The following TASP1 variants were observed in gnomAD, a reference collection of about 807,000 sequenced individuals.
TASP1 encodes threonine aspartase 1.
TASP1 carries 16 observed loss-of-function variants against 56.6 expected under a neutral mutation model. The observed-to-expected ratio is 0.28, with a 90% CI of 0.19 to 0.43. TASP1 has a LOEUF of 0.43. Among genes scored for constraint, TASP1 ranks in the 20% least tolerant of loss-of-function variants. The pLI is 1.00. For missense variants in TASP1, 393 were observed against 511.6 expected (o/e 0.77, Z 2.24); for synonymous variants, 179 against 184.2 (o/e 0.97, Z 0.23).
intron 2 of TASP1, among the ~76,000 whole-genome samples, chr20:13,629,460 T>A (rs145762047): frequency 1.3e-5 from 2 of 151,878 alleles, no homozygotes. Context: ...TCAATACAAT[T>A]TTTTCAGCAA....
chr20:13,576,822 C>T (rs1396126992), intron 6 of TASP1, among the ~76,000 whole-genome samples: 2 of 152,162 alleles, frequency 1.3e-5, no homozygotes, highest in Non-Finnish European at 2.9e-5. Context: ...ACAAGTGTAG[C>T]ATTATTATAT....
chr20:13,387,362 T>C (rs2041171735), downstream of TASP1, among the ~76,000 whole-genome samples: 1 of 151,898 alleles, frequency 6.6e-6, no homozygotes, highest in South Asian at 2.1e-4. Context: ...CCCAGCTTAA[T>C]TTTTGTATTT....
chr20:13,361,995 C>CTAT, the TASP1 span, among the ~76,000 whole-genome samples: 1 of 150,626 alleles, frequency 6.6e-6, no homozygotes, highest in Non-Finnish European at 1.5e-5. Flanking sequence ...TCCAGGCCAT[C>CTAT]ACCAATCATT....
chr20:13,292,289 G>A, the TASP1 span: 1 of 813,462 alleles, frequency 1.2e-6, no homozygotes, highest in Non-Finnish European at 2.0e-6. Flanking sequence ...GCTTTGTTCA[G>A]GTGTATTTAT....
At chr20:13,162,284 G>A in the TASP1 span, among the ~76,000 whole-genome samples, 11 of 152,276 alleles carry the variant, frequency 7.2e-5, no homozygotes, top group Admixed American at 7.2e-4. Context: ...TGGCAGGAGG[G>A]ACACACAGCA....
intron 10 of TASP1, among the ~76,000 whole-genome samples, chr20:13,516,708 T>C (rs3803973): frequency 0.56 from 82,540 of 148,106 alleles, 24,829 homozygotes; most frequent in Non-Finnish European, 0.68. Flanking sequence ...GTTTTAAAAT[T>C]AGAAGTCTGT....
the TASP1 span, among the ~76,000 whole-genome samples, chr20:13,253,875 ATATG>A: frequency 1.0e-5 from 1 of 100,144 alleles, no homozygotes. Context: ...ATATATATAT[ATATG>A]TGTGTGTGTA....
downstream of TASP1, among the ~76,000 whole-genome samples, chr20:13,388,386 C>T (rs937990105): frequency 3.3e-5 from 5 of 151,854 alleles, no homozygotes; most frequent in African/African-American, 1.2e-4. Context: ...CTTGGCTTCA[C>T]AATATTCCTT....
intron 10 of TASP1, among the ~76,000 whole-genome samples, chr20:13,494,027 A>G (rs935253585): frequency 6.6e-6 from 1 of 152,174 alleles, no homozygotes; most frequent in Non-Finnish European, 1.5e-5. Flanking sequence ...ACTATATTGT[A>G]TTTATCTGGG....
the TASP1 span, among the ~76,000 whole-genome samples, chr20:13,216,333 T>C: frequency 2.0e-5 from 3 of 152,188 alleles, no homozygotes; most frequent in African/African-American, 4.8e-5. Context: ...GTGAAGTCCA[T>C]CTGACTAATT....
the TASP1 span, among the ~76,000 whole-genome samples, chr20:13,287,378 C>A: frequency 3.6e-3 from 542 of 152,188 alleles, 2 homozygotes; most frequent in African/African-American, 0.012. Flanking sequence ...AAACTGCCCC[C>A]ATGATTCAGT....
chr20:13,325,653 T>A, the TASP1 span, among the ~76,000 whole-genome samples: 8 of 152,216 alleles, frequency 5.3e-5, no homozygotes, highest in Non-Finnish European at 1.2e-4. Context: ...AGATCCAGAA[T>A]AATCAATTAA....
At chr20:13,555,490 T>C (rs1348792758) in intron 8 of TASP1, among the ~76,000 whole-genome samples, 2 of 152,090 alleles carry the variant, frequency 1.3e-5, no homozygotes, top group African/African-American at 4.8e-5. Context: ...TTTTTTTATT[T>C]ATCCACAAGC....
At chr20:13,516,144 T>A (rs1025741674) in intron 10 of TASP1, among the ~76,000 whole-genome samples, 2 of 152,044 alleles carry the variant, frequency 1.3e-5, no homozygotes, top group South Asian at 2.1e-4. Flanking sequence ...AGCAAAATAA[T>A]ACCAAAAACA....
chr20:13,382,023 G>A, the TASP1 span, among the ~76,000 whole-genome samples: 7 of 152,166 alleles, frequency 4.6e-5, no homozygotes. Flanking sequence ...TGGAGGGGAT[G>A]AGAAATGCCG....
At chr20:13,569,432 G>C in intron 7 of TASP1, 75 bp downstream of exon 7, 1 of 1,132,404 alleles carries the variant, frequency 8.8e-7, no homozygotes, top group East Asian at 2.4e-5. Context: ...GTACTACATG[G>C]GTCATAACAG....
the TASP1 span, among the ~76,000 whole-genome samples, chr20:13,206,962 A>T: frequency 2.0e-5 from 3 of 152,176 alleles, no homozygotes; most frequent in Non-Finnish European, 2.9e-5. Context: ...AAGGTAGGAG[A>T]TGAGTGGTCT....
At chr20:13,284,448 T>C in the TASP1 span, among the ~76,000 whole-genome samples, 1 of 152,230 alleles carries the variant, frequency 6.6e-6, no homozygotes, top group African/African-American at 2.4e-5. Context: ...GAACTGTTTT[T>C]TCCTGCCGTT....
chr20:13,497,021 G>A (rs921760839), intron 10 of TASP1, among the ~76,000 whole-genome samples: 2 of 152,170 alleles, frequency 1.3e-5, no homozygotes, highest in Non-Finnish European at 2.9e-5. Context: ...GACTACATGT[G>A]AGCTACCATG....
Sources: gnomAD v4.1 joint callset for allele counts (sites outside exome capture counted in the v4.1 genomes callset) on GRCh38, gnomAD v4.1.1 for gene constraint, MANE v1.5 for transcripts, NCBI Gene and HGNC (gene_info 2026-07-23, HGNC 2026-07-21) for gene names.